Variants in TRPS1 observed in about 807,000 individuals in gnomAD.
The protein encoded by TRPS1 is transcriptional repressor GATA binding 1, also known as zinc finger transcription factor Trps1.
TRPS1 carries 6 observed loss-of-function variants against 101.2 expected under a neutral mutation model. The ratio of observed to expected loss-of-function variants is 0.06; its 90% CI spans 0.03 to 0.12. TRPS1 has a LOEUF of 0.12. Among genes scored for constraint, TRPS1 ranks in the 10% least tolerant of loss-of-function variants. The probability of loss-of-function intolerance (pLI) is 1.00; values close to 1 mark genes in which losing one functional copy is unlikely to be tolerated. For synonymous variants in TRPS1, 578 were observed against 589.8 expected (o/e 0.98, Z 0.29); for missense variants, 1,363 against 1,567.0 (o/e 0.87, Z 2.20).
chr8:115,600,271 T>C (rs1018894214), intron 4 of TRPS1, among the ~76,000 whole-genome samples: 1 of 152,200 alleles, frequency 6.6e-6, no homozygotes, highest in Admixed American at 6.5e-5. Flanking sequence ...TATACATCTA[T>C]TATTTGTGTT....
At chr8:115,512,362 C>T (rs2130190071) in intron 5 of TRPS1, among the ~76,000 whole-genome samples, 1 of 151,724 alleles carries the variant, frequency 6.6e-6, no homozygotes, top group East Asian at 1.9e-4. Flanking sequence ...AAATTCAAAG[C>T]TTGGCCTTAT....
chr8:115,663,249 CT>C lies in TRPS1; in HGVS notation c.-122+5295del, dbSNP rs111334281. ...GGCCACAAGCCCGTTCTTACTTGAACTTTTTTTTTTTTTTAAATGGCATTTT... is the reference window on the plus strand; with the variant it reads ...GGCCACAAGCCCGTTCTTACTTGAACTTTTTTTTTTTTTAAATGGCATTTT... On this transcript the variant is annotated intron_variant, in intron 1 of 6. Transcript: ENST00000395715. Among the ~76,000 whole-genome samples, 420 of 145,246 alleles carry C rather than the reference CT, an allele frequency of 2.9e-3. 1 individual carries two copies. The highest frequency in any genetic ancestry group is 5.4e-3 in the Admixed American group (78 of 14,476).
chr8:115,468,683 A>G (rs1303161028), intron 5 of TRPS1, among the ~76,000 whole-genome samples: 1 of 152,244 alleles, frequency 6.6e-6, no homozygotes, highest in East Asian at 1.9e-4. Flanking sequence ...CTAATTCACC[A>G]GCACAGCATT....
At chr8:115,636,236 A>C (rs2130573955) in intron 1 of TRPS1, among the ~76,000 whole-genome samples, 1 of 152,286 alleles carries the variant, frequency 6.6e-6, no homozygotes, top group South Asian at 2.1e-4. Context: ...GCTATGAAGC[A>C]CAAGATGACA....
At chr8:115,600,565 G>A (rs1304023722) in intron 4 of TRPS1, among the ~76,000 whole-genome samples, 3 of 151,982 alleles carry the variant, frequency 2.0e-5, no homozygotes, top group East Asian at 1.9e-4. Context: ...ATGCAACATC[G>A]ACATTGGCAT....
chr8:115,515,053 T>G (rs1053649084), intron 5 of TRPS1: 9 of 565,584 alleles, frequency 1.6e-5, no homozygotes, highest in Admixed American at 3.0e-5. Flanking sequence ...TGGCATATAC[T>G]GTGTAAGAAA....
chr8:115,411,852 GAAAGACATTTTTTT>G lies in TRPS1; in HGVS notation c.*2157_*2170del, dbSNP rs1291613700. ...AAATGAAAATGACAACACAACATCA[GAAAGACATTTTTTT>G]AACTTCATTCGCTACAACAGTCACG... On this transcript the variant is annotated 3_prime_UTR_variant, in exon 7 of 7. Coordinates refer to ENST00000395715, the MANE Select transcript of TRPS1 (RefSeq NM_014112.5). 2.6e-5 allele frequency: 4 copies of G among 152,144 alleles called. No individual in the cohort carries two copies. Among genetic ancestry groups the G allele is most frequent in the Admixed American group, 1.3e-4 (2 of 15,228 alleles). The allele number at this position is 152,144 out of a possible 1,614,324, so 9.4% of individuals were successfully genotyped here.
At chr8:115,633,828 T>G (rs1818705129) in intron 1 of TRPS1, among the ~76,000 whole-genome samples, 1 of 152,184 alleles carries the variant, frequency 6.6e-6, no homozygotes, top group Non-Finnish European at 1.5e-5. Flanking sequence ...GTAATATCAG[T>G]AGACCGAGGT....
At chr8:115,601,183 C>G (rs1401032961) in intron 4 of TRPS1, among the ~76,000 whole-genome samples, 1 of 152,104 alleles carries the variant, frequency 6.6e-6, no homozygotes, top group Non-Finnish European at 1.5e-5. Context: ...ATTAAGTCTT[C>G]TATATAAAGC....
chr8:115,624,095 C>T (rs958545535), intron 1 of TRPS1, among the ~76,000 whole-genome samples: 4 of 151,896 alleles, frequency 2.6e-5, no homozygotes, highest in African/African-American at 7.2e-5. Flanking sequence ...TTTGTAAACA[C>T]CAGCAAATGC....
At chr8:115,533,434 C>CTTTTTTTT (rs1427634638) in intron 5 of TRPS1, among the ~76,000 whole-genome samples, 1 of 32,330 alleles carries the variant, frequency 3.1e-5, no homozygotes. Flanking sequence ...CACATGTAAT[C>CTTTTTTTT]TGTTTTTTTT....
intron 5 of TRPS1, 139 bp downstream of exon 5, chr8:115,586,862 C>T (rs968132775): frequency 4.0e-6 from 6 of 1,481,484 alleles, no homozygotes; most frequent in East Asian, 2.3e-5. Context: ...CCACTTTGGC[C>T]TTAGGAGTAT....
chr8:115,430,958 T>C (rs1201213645), intron 5 of TRPS1, among the ~76,000 whole-genome samples: 1 of 151,934 alleles, frequency 6.6e-6, no homozygotes, highest in Non-Finnish European at 1.5e-5. Context: ...AATGAAGCAA[T>C]AGAGTACCTA....
chr8:115,417,422 A>AC (rs577497382), intron 6 of TRPS1, among the ~76,000 whole-genome samples: 153 of 152,284 alleles, frequency 1.0e-3, no homozygotes, highest in Non-Finnish European at 1.7e-3. Flanking sequence ...GCCATAATGT[A>AC]TTCACTGGCT....
intron 5 of TRPS1, among the ~76,000 whole-genome samples, chr8:115,499,658 G>T (rs1181739550): frequency 6.6e-6 from 1 of 152,208 alleles, no homozygotes; most frequent in Non-Finnish European, 1.5e-5. Flanking sequence ...ACTCGCAGAT[G>T]TCTCTAGTAA....
intron 5 of TRPS1, among the ~76,000 whole-genome samples, chr8:115,517,641 A>G (rs944376866): frequency 2.0e-5 from 3 of 151,780 alleles, no homozygotes; most frequent in Non-Finnish European, 4.4e-5. Context: ...TATACTAAAA[A>G]TTATGTCTTT....
chr8:115,631,857 T>C (rs1818653437), intron 1 of TRPS1, among the ~76,000 whole-genome samples: 1 of 152,146 alleles, frequency 6.6e-6, no homozygotes, highest in Non-Finnish European at 1.5e-5. Flanking sequence ...TTTCTCCTTA[T>C]TTCGGCTGAA....
intron 5 of TRPS1, among the ~76,000 whole-genome samples, chr8:115,427,378 T>C (rs2129811500): frequency 6.6e-6 from 1 of 152,350 alleles, no homozygotes; most frequent in South Asian, 2.1e-4. Flanking sequence ...TTTTAAATAA[T>C]CATCATTGCA....
intron 5 of TRPS1, among the ~76,000 whole-genome samples, chr8:115,461,292 G>C (rs376647028): frequency 4.3e-4 from 12 of 28,212 alleles, no homozygotes; most frequent in African/African-American, 1.5e-3. Flanking sequence ...TAGATAGATA[G>C]ATAGATAGAC....
Sources: gnomAD v4.1 joint callset for allele counts (sites outside exome capture counted in the v4.1 genomes callset) on GRCh38, gnomAD v4.1.1 for gene constraint, MANE v1.5 for transcripts, NCBI Gene and HGNC (gene_info 2026-07-23, HGNC 2026-07-21) for gene names.